Variants in PCNX1 observed in about 807,000 individuals in gnomAD.
PCNX1 encodes the protein pecanex-like protein 1.
Under a neutral mutation model 242.2 loss-of-function variants are expected in PCNX1, and 78 were observed. That is an observed-to-expected ratio of 0.32 (90% CI 0.27 to 0.39). The LOEUF is 0.39. Ranked by LOEUF, PCNX1 falls within the 10% of genes least tolerant of loss-of-function variation. The probability of loss-of-function intolerance (pLI) is 1.00; values close to 1 mark genes in which losing one functional copy is unlikely to be tolerated. For synonymous variants in PCNX1, 1,024 were observed against 1,032.9 expected (o/e 0.99, Z 0.17); for missense variants, 2,581 against 2,856.5 (o/e 0.90, Z 2.20).
chr14:71,076,539 T>A, intron 28 of PCNX1, 120 bp downstream of exon 28: 1 of 661,404 alleles, frequency 1.5e-6, no homozygotes, highest in Non-Finnish European at 2.6e-6. Flanking sequence ...ATCTTCTGGT[T>A]AAGATAACCT....
intron 1 of PCNX1, among the ~76,000 whole-genome samples, chr14:70,936,519 C>A (rs1308664875): frequency 6.6e-6 from 1 of 152,198 alleles, no homozygotes; most frequent in Non-Finnish European, 1.5e-5. Context: ...TTTTCTTAAT[C>A]CAGTCTATCA....
chr14:70,989,590 C>A (rs150528422), intron 7 of PCNX1, among the ~76,000 whole-genome samples: 2 of 145,068 alleles, frequency 1.4e-5, no homozygotes, highest in Non-Finnish European at 3.0e-5. Context: ...AGTGCAGTCG[C>A]GTGATCTTGG....
At chr14:70,963,738 T>A (rs1242544739) in intron 3 of PCNX1, among the ~76,000 whole-genome samples, 1 of 152,226 alleles carries the variant, frequency 6.6e-6, no homozygotes, top group African/African-American at 2.4e-5. Flanking sequence ...ATAGCATCAC[T>A]TTCTTTTTTT....
intron 27 of PCNX1, 102 bp downstream of exon 27, chr14:71,073,900 G>A (rs2061648761): frequency 1.3e-6 from 1 of 755,328 alleles, no homozygotes; most frequent in Admixed American, 3.4e-5. Context: ...TTTAACGTAT[G>A]CTTTGCTTCC....
intron 6 of PCNX1, among the ~76,000 whole-genome samples, chr14:70,986,486 A>G (rs1318475552): frequency 6.6e-6 from 1 of 152,224 alleles, no homozygotes; most frequent in Non-Finnish European, 1.5e-5. Flanking sequence ...AAACATTTTG[A>G]CTAAAAGTGG....
intron 28 of PCNX1, among the ~76,000 whole-genome samples, chr14:71,083,605 T>C (rs552698965): frequency 6.6e-6 from 1 of 152,222 alleles, no homozygotes; most frequent in African/African-American, 2.4e-5. Context: ...AAGTTGATCT[T>C]CAATCTCTGA....
chr14:70,951,371 G>A (rs557383451), intron 2 of PCNX1, among the ~76,000 whole-genome samples: 43 of 151,772 alleles, frequency 2.8e-4, no homozygotes, highest in Non-Finnish European at 4.6e-4. Context: ...TTTGGGGGGC[G>A]GGGGTTGGTT....
At chr14:70,966,462 G>A (rs2058381236) in intron 3 of PCNX1, among the ~76,000 whole-genome samples, 1 of 152,180 alleles carries the variant, frequency 6.6e-6, no homozygotes, top group Admixed American at 6.5e-5. Context: ...TAGGAAGCAA[G>A]CAGTAGTGTG....
intron 12 of PCNX1, among the ~76,000 whole-genome samples, chr14:71,021,042 G>C (rs947184037): frequency 1.6e-4 from 25 of 152,176 alleles, no homozygotes; most frequent in Admixed American, 6.5e-5. Context: ...GCTTGTTTTT[G>C]TCAGGTTTGT....
intron 30 of PCNX1, among the ~76,000 whole-genome samples, chr14:71,094,909 C>T (rs1409890875): frequency 4.6e-5 from 7 of 152,196 alleles, no homozygotes; most frequent in East Asian, 1.9e-4. Context: ...CCAGCCTGAG[C>T]GACAGACCAA....
intron 30 of PCNX1, among the ~76,000 whole-genome samples, chr14:71,089,565 G>A (rs1046540205): frequency 2.0e-5 from 3 of 152,090 alleles, no homozygotes; most frequent in Non-Finnish European, 2.9e-5. Flanking sequence ...TCTTCATATG[G>A]TGGCAACAAG....
chr14:71,053,234 G>T lies in PCNX1; in HGVS notation c.4577+1222G>T, dbSNP rs566304421. On this transcript the variant is annotated intron_variant, in intron 24 of 35. Transcript: ENST00000304743. ...CAGTGGCTGCAGTTCTTAACTTTTT[G>T]GATTTAGAACCCCTTTATACTCTTT... is the stretch of plus-strand genomic sequence containing the variant. 1,090 of 450,716 alleles carry T rather than the reference G, an allele frequency of 2.4e-3. 1 individual carries two copies. The highest frequency in any genetic ancestry group is 4.1e-3 in the Non-Finnish European group (925 of 225,890). 27.9% of individuals were successfully genotyped at this position (450,716 alleles called of 1,614,324 possible). A position where few individuals can be genotyped will look rare whatever the true frequency, so the allele number is the denominator to read the frequency against.
intron 13 of PCNX1, 63 bp downstream of exon 13, chr14:71,023,295 TTTG>T: frequency 7.9e-7 from 1 of 1,271,454 alleles, no homozygotes; most frequent in Non-Finnish European, 1.1e-6. Context: ...ATATTTGTGG[TTTG>T]TTTTTTGTTT....
Position 71,113,229 on chromosome 14 carries a change from G to A in PCNX1, c.*3294G>A, listed in dbSNP as rs181274052. The A allele has an allele frequency of 7.2e-5, 11 of 152,192 alleles. No individual in the cohort carries two copies. In the East Asian group the frequency reaches 2.1e-3, roughly 29 times the overall value. 9.4% of individuals were successfully genotyped at this position (152,192 alleles called of 1,614,324 possible). Reference sequence around the variant, plus strand: ...GCCTTCTTTGACTTTGTTACTGGAGGATGATAATCTATTTCTATTAGATTC... The same window carrying A: ...GCCTTCTTTGACTTTGTTACTGGAGAATGATAATCTATTTCTATTAGATTC... On this transcript the variant is annotated 3_prime_UTR_variant, in exon 36 of 36. Coordinates refer to ENST00000304743, the MANE Select transcript of PCNX1 (RefSeq NM_014982.3).
At chr14:71,040,728 G>A (rs1166645792) in intron 19 of PCNX1, among the ~76,000 whole-genome samples, 2 of 151,818 alleles carry the variant, frequency 1.3e-5, no homozygotes, top group East Asian at 3.9e-4. Flanking sequence ...AATTAAATGA[G>A]CATTGACTAT....
chr14:70,948,937 ATG>A (rs2057598220), intron 2 of PCNX1, among the ~76,000 whole-genome samples: 1 of 148,226 alleles, frequency 6.7e-6, no homozygotes, highest in African/African-American at 2.5e-5. Context: ...ATGTACATAT[ATG>A]TACATATACA....
intron 9 of PCNX1, among the ~76,000 whole-genome samples, chr14:71,010,124 A>AT (rs2059782043): frequency 6.6e-6 from 1 of 151,898 alleles, no homozygotes; most frequent in Admixed American, 6.6e-5. Context: ...TTAAGGTAGA[A>AT]TTTTTTTTGC....
At chr14:70,946,885 A>C (rs1450514685) in intron 1 of PCNX1, 30 bp from the exon 2 acceptor site, 6 of 1,373,702 alleles carry the variant, frequency 4.4e-6, no homozygotes, top group Non-Finnish European at 5.2e-6. Context: ...ATATTTTAAA[A>C]TGTATTTCCT....
Position 71,103,535 on chromosome 14 carries a change from A to G in PCNX1, c.5961A>G (p.Gln1987=), listed in dbSNP as rs755210235. 1.1e-5 allele frequency: 18 copies of G among 1,614,192 alleles called. No homozygotes were observed. The highest frequency in any genetic ancestry group is 5.0e-5 in the Admixed American group (3 of 60,028). Residue 1987 remains glutamine, a synonymous_variant, in exon 32 of 36, where the codon CAA becomes CAG. Transcript: ENST00000304743. ...ACATGATAAACTCATCTTGTGATCA[A>G]CCTATTGGCTACCCAATCTTTGTCT... is the stretch of plus-strand genomic sequence containing the variant. The part of the protein sequence containing the change: ...LRNMINSSCD[Q]PIGYPIFVSP...
Sources: gnomAD v4.1 joint callset for allele counts (sites outside exome capture counted in the v4.1 genomes callset) on GRCh38, gnomAD v4.1.1 for gene constraint, MANE v1.5 for transcripts, NCBI Gene and HGNC (gene_info 2026-07-23, HGNC 2026-07-21) for gene names.